The following USP37 variants were observed in gnomAD, a reference collection of about 807,000 sequenced individuals.
USP37 encodes the protein ubiquitin specific peptidase 37, also known as ubiquitin carboxyl-terminal hydrolase 37.
In USP37, 27 loss-of-function variants were observed where a neutral mutation model predicts 124.0. The observed-to-expected ratio is 0.22, with a 90% CI of 0.16 to 0.30. USP37 has a LOEUF of 0.30. Among genes scored for constraint, USP37 ranks in the 10% least tolerant of loss-of-function variants. The pLI is 1.00. For missense variants in USP37, 889 were observed against 1,140.4 expected (o/e 0.78, Z 3.17); for synonymous variants, 365 against 388.0 (o/e 0.94, Z 0.70).
intron 17 of USP37, among the ~76,000 whole-genome samples, chr2:218,480,093 T>A (rs1468256386): frequency 6.8e-6 from 1 of 146,784 alleles, no homozygotes; most frequent in Non-Finnish European, 1.5e-5. Context: ...TTGTAGTAAG[T>A]GGTGATCGCA....
chr2:218,519,675 C>A (rs1402817049), intron 10 of USP37, among the ~76,000 whole-genome samples: 3 of 151,626 alleles, frequency 2.0e-5, no homozygotes, highest in Non-Finnish European at 4.4e-5. Flanking sequence ...CTCCCTCTGT[C>A]CCAGGCTGGA....
chr2:218,515,628 T>C lies in USP37; in HGVS notation c.864-5488A>G, dbSNP rs577346058. Among the ~76,000 whole-genome samples, 37 of 152,292 alleles carry C rather than the reference T, an allele frequency of 2.4e-4. 1 individual carries two copies. Among genetic ancestry groups the C allele is most frequent in the African/African-American group, 8.4e-4 (35 of 41,564 alleles). On this transcript the variant is annotated intron_variant, in intron 10 of 25. Transcript: ENST00000258399. ...AACCTAGACAATACCATTCAGGACA[T>C]AGGCATGAGCAAAGACTTCATGACT...
chr2:218,463,190 ACACACACAC>A, intron 22 of USP37, 107 bp downstream of exon 22: 1 of 177,440 alleles, frequency 5.6e-6, no homozygotes, highest in Non-Finnish European at 1.1e-5. Context: ...ACACACACAC[ACACACACAC>A]ACACACACAC....
chr2:218,546,848 A>T, intron 7 of USP37, 71 bp downstream of exon 7: 1 of 1,498,378 alleles, frequency 6.7e-7, no homozygotes, highest in Admixed American at 2.2e-5. Context: ...TCCTCAAATT[A>T]CTGGTATTTC....
chr2:218,463,483 T>C (rs2106408974), intron 21 of USP37, 117 bp from the exon 22 acceptor site: 3 of 814,348 alleles, frequency 3.7e-6, no homozygotes, highest in Non-Finnish European at 5.9e-6. Context: ...TATAACCTTA[T>C]GGATGTTTGG....
At chr2:218,560,765 T>C (rs1693264892) in intron 3 of USP37, 55 bp downstream of exon 3, 1 of 151,908 alleles carries the variant, frequency 6.6e-6, no homozygotes, top group Non-Finnish European at 1.5e-5. Flanking sequence ...CATTTTTAAT[T>C]GTTGGCAATG....
At chr2:218,520,183 C>T (rs1471409676) in intron 10 of USP37, among the ~76,000 whole-genome samples, 1 of 152,020 alleles carries the variant, frequency 6.6e-6, no homozygotes, top group African/African-American at 2.4e-5. Context: ...TGTGATCCAC[C>T]CACCCACCTC....
Position 218,457,994 on chromosome 2 carries a change from C to T in USP37, c.2644-833G>A, listed in dbSNP as rs541439414. ...GGTGGAGCTTGCAGTGAGCTGAGAT[C>T]GGGCCACTGCACTCCAGCCTGGGCG... On this transcript the variant is annotated intron_variant, in intron 23 of 25. Coordinates refer to ENST00000258399, the MANE Select transcript of USP37 (RefSeq NM_020935.3). 1.7e-4 allele frequency among the ~76,000 whole-genome samples: 25 copies of T among 143,054 alleles called. No individual in the cohort carries two copies. In the East Asian group the frequency reaches 2.9e-3, roughly 17 times the overall value. 93.8% of individuals were successfully genotyped at this position (143,054 alleles called of 152,430 possible).
chr2:218,525,632 C>T (rs1472125872), intron 10 of USP37, among the ~76,000 whole-genome samples: 1 of 152,148 alleles, frequency 6.6e-6, no homozygotes, highest in Non-Finnish European at 1.5e-5. Context: ...TCTGATTTCT[C>T]CACTTTTATA....
At chr2:218,479,808 C>A in intron 17 of USP37, 93 bp from the exon 18 acceptor site, 8 of 694,466 alleles carry the variant, frequency 1.2e-5, no homozygotes, top group Non-Finnish European at 1.6e-5. Flanking sequence ...ACTATAATTC[C>A]TTTTATGTCC....
At chr2:218,491,867 T>C (rs1688797800) in intron 14 of USP37, among the ~76,000 whole-genome samples, 1 of 152,106 alleles carries the variant, frequency 6.6e-6, no homozygotes, top group Admixed American at 6.6e-5. Context: ...ACAAATGGCC[T>C]TTATGTAAAG....
At chr2:218,472,891 CA>C (rs1352916332) in intron 20 of USP37, among the ~76,000 whole-genome samples, 1 of 152,002 alleles carries the variant, frequency 6.6e-6, no homozygotes, top group Non-Finnish European at 1.5e-5. Context: ...CAGTTGTTTC[CA>C]AAATATTTTT....
chr2:218,509,432 G>C (rs1224698480), intron 11 of USP37, among the ~76,000 whole-genome samples: 1 of 152,038 alleles, frequency 6.6e-6, no homozygotes, highest in Non-Finnish European at 1.5e-5. Context: ...GACAGTATCT[G>C]GCATGTAATA....
At chr2:218,512,186 C>T (rs944739432) in intron 10 of USP37, among the ~76,000 whole-genome samples, 4 of 152,008 alleles carry the variant, frequency 2.6e-5, no homozygotes, top group Non-Finnish European at 4.4e-5. Flanking sequence ...CCAGCCTGGT[C>T]AACATATCAA....
chr2:218,479,591 G>A (rs112175445), intron 18 of USP37, 59 bp downstream of exon 18: 19 of 1,429,238 alleles, frequency 1.3e-5, no homozygotes, highest in African/African-American at 8.5e-5. Context: ...CAATCTTGGA[G>A]ATTAGGGTAA....
chr2:218,555,519 T>C (rs1692919265), intron 4 of USP37, among the ~76,000 whole-genome samples: 2 of 152,230 alleles, frequency 1.3e-5, no homozygotes, highest in East Asian at 3.9e-4. Flanking sequence ...AAAAGGAAAA[T>C]AGATAACATT....
intron 14 of USP37, 67 bp from the exon 15 acceptor site, chr2:218,488,488 A>G (rs1460976793): frequency 9.8e-7 from 1 of 1,016,492 alleles, no homozygotes; most frequent in Non-Finnish European, 1.5e-6. Flanking sequence ...TATACCTGAG[A>G]AACTCTGTTC....
At chr2:218,523,745 C>G (rs1305389040) in intron 10 of USP37, among the ~76,000 whole-genome samples, 1 of 152,094 alleles carries the variant, frequency 6.6e-6, no homozygotes, top group South Asian at 2.1e-4. Context: ...TTTTAATAAC[C>G]TCTGGTGATT....
At chr2:218,498,289 A>C in intron 11 of USP37, 132 bp from the exon 12 acceptor site, 2 of 900,088 alleles carry the variant, frequency 2.2e-6, no homozygotes, top group South Asian at 2.5e-5. Context: ...ACTACACCCT[A>C]ACCCCAAGGT....
Sources: gnomAD v4.1 joint callset for allele counts (sites outside exome capture counted in the v4.1 genomes callset) on GRCh38, gnomAD v4.1.1 for gene constraint, MANE v1.5 for transcripts, NCBI Gene and HGNC (gene_info 2026-07-23, HGNC 2026-07-21) for gene names.